The following UBASH3B variants were observed in gnomAD, a reference collection of about 807,000 sequenced individuals.
The protein encoded by UBASH3B is ubiquitin associated and SH3 domain containing B.
Under a neutral mutation model 83.4 loss-of-function variants are expected in UBASH3B, and 37 were observed. The ratio of observed to expected loss-of-function variants is 0.44; its 90% CI spans 0.34 to 0.58. UBASH3B has a LOEUF of 0.58. Among genes scored for constraint, UBASH3B ranks in the 20% least tolerant of loss-of-function variants. The probability of loss-of-function intolerance (pLI) is 0.01; values close to 1 mark genes in which losing one functional copy is unlikely to be tolerated. For missense variants in UBASH3B, 657 were observed against 827.2 expected (o/e 0.79, Z 2.52); for synonymous variants, 304 against 318.3 (o/e 0.96, Z 0.48).
intron 1 of UBASH3B, among the ~76,000 whole-genome samples, chr11:122,666,634 G>A (rs1432369094): frequency 6.6e-6 from 1 of 152,082 alleles, no homozygotes; most frequent in African/African-American, 2.4e-5. Context: ...TGCCAGGCTG[G>A]TCTCGATCTC....
At chr11:122,757,491 A>C (rs1280289951) in intron 1 of UBASH3B, among the ~76,000 whole-genome samples, 1 of 152,196 alleles carries the variant, frequency 6.6e-6, no homozygotes, top group East Asian at 1.9e-4. Flanking sequence ...GTAGAAGCAC[A>C]AATGAATGAA....
intron 1 of UBASH3B, among the ~76,000 whole-genome samples, chr11:122,659,687 A>G (rs1863410491): frequency 6.6e-6 from 1 of 152,230 alleles, no homozygotes; most frequent in Non-Finnish European, 1.5e-5. Context: ...AAGAGCAGTG[A>G]TGGTCTCCTG....
chr11:122,657,183 A>G (rs1863375819), intron 1 of UBASH3B, among the ~76,000 whole-genome samples: 1 of 152,238 alleles, frequency 6.6e-6, no homozygotes, highest in South Asian at 2.1e-4. Flanking sequence ...TCATCTTTGA[A>G]TTACAGCACC....
intron 5 of UBASH3B, 117 bp downstream of exon 5, chr11:122,783,339 A>G (rs1860891261): frequency 7.2e-6 from 9 of 1,248,752 alleles, no homozygotes; most frequent in Non-Finnish European, 8.8e-6. Flanking sequence ...AGCACCTAAC[A>G]GAGAGTCCGT....
At chr11:122,719,527 G>A (rs905504339) in intron 1 of UBASH3B, among the ~76,000 whole-genome samples, 4 of 152,156 alleles carry the variant, frequency 2.6e-5, no homozygotes, top group Admixed American at 6.5e-5. Flanking sequence ...CACATCATGA[G>A]TTCATCAGAA....
At chr11:122,696,785 C>T (rs906397049) in intron 1 of UBASH3B, among the ~76,000 whole-genome samples, 3 of 152,200 alleles carry the variant, frequency 2.0e-5, no homozygotes, top group African/African-American at 4.8e-5. Flanking sequence ...ACAGAATACA[C>T]GGAGAGCACC....
chr11:122,759,018 G>T lies in UBASH3B; in HGVS notation c.162-17201G>T, dbSNP rs1175329011. Among the ~76,000 whole-genome samples, 1 of 152,118 alleles carries T rather than the reference G, an allele frequency of 6.6e-6. No homozygotes were observed. Among genetic ancestry groups the T allele is most frequent in the Non-Finnish European group, 1.5e-5 (1 of 68,022 alleles). ...ACACACATTTTCCCAGTTTCTGTAG[G>T]TCAGGAGCCCAGGCATGGCTTGACT... On this transcript the variant is annotated intron_variant, in intron 1 of 13. Transcript: ENST00000284273. This position sits in a 1 kb window ranked among gnomAD's most constrained non-coding sequence, Gnocchi z 4.1.
chr11:122,662,333 C>T (rs1349703135), intron 1 of UBASH3B, among the ~76,000 whole-genome samples: 3 of 152,152 alleles, frequency 2.0e-5, no homozygotes, highest in Non-Finnish European at 2.9e-5. Flanking sequence ...AGACACAGTA[C>T]GTTCACTGCC....
chr11:122,794,370 T>C (rs1861115025), intron 6 of UBASH3B, among the ~76,000 whole-genome samples: 1 of 152,070 alleles, frequency 6.6e-6, no homozygotes, highest in African/African-American at 2.4e-5. Context: ...CACGCCCAGC[T>C]GATTTTTTGT....
At chr11:122,794,310 A>T (rs1184171603) in intron 6 of UBASH3B, among the ~76,000 whole-genome samples, 1 of 152,032 alleles carries the variant, frequency 6.6e-6, no homozygotes, top group Non-Finnish European at 1.5e-5. Flanking sequence ...GGTTCAAGAG[A>T]TTCTCATACC....
chr11:122,783,241 T>G lies in UBASH3B; in HGVS notation c.771+19T>G, dbSNP rs1860889184. 1 of 1,610,100 alleles carries G rather than the reference T, an allele frequency of 6.2e-7. No homozygotes were observed. The highest frequency in any genetic ancestry group is 2.2e-5 in the East Asian group (1 of 44,836). On this transcript the variant is annotated intron_variant, in intron 5 of 13. Coordinates refer to ENST00000284273, the MANE Select transcript of UBASH3B (RefSeq NM_032873.5). ...CCATGAGGTAATGTCTCACTGTGGT[T>G]CCAGAAGCTACCAGGTGCAGGGATG...
At chr11:122,687,995 C>T (rs1863829607) in intron 1 of UBASH3B, among the ~76,000 whole-genome samples, 1 of 152,160 alleles carries the variant, frequency 6.6e-6, no homozygotes, top group African/African-American at 2.4e-5. Context: ...CTCTGCCTGA[C>T]TTCTTTAGAA....
At chr11:122,677,647 C>T (rs1390667254) in intron 1 of UBASH3B, among the ~76,000 whole-genome samples, 7 of 152,162 alleles carry the variant, frequency 4.6e-5, no homozygotes. Context: ...ATTCATTCAT[C>T]TCTTTAATAA....
chr11:122,789,883 G>A (rs887043599), intron 6 of UBASH3B, among the ~76,000 whole-genome samples: 37 of 152,214 alleles, frequency 2.4e-4, no homozygotes, highest in Admixed American at 5.2e-4. Flanking sequence ...CCCTCTGCCA[G>A]TCTTCTTTAG....
In UBASH3B at chr11:122,794,814, A is replaced by G. The variant is rs147836332; in HGVS notation, c.1093A>G (p.Ile365Val). The G allele has an allele frequency of 1.1e-4, 170 of 1,613,714 alleles. No individual in the cohort carries two copies. In the African/African-American group the frequency reaches 1.1e-3, roughly 10 times the overall value. ...GCTCGGGGAGACGACTCCTCTTACT[A>G]TCATCTGCCAGCCCATGCAGGTAAG... is the stretch of plus-strand genomic sequence containing the variant. ...QGLGETTPLT[I>V]ICQPMQPLRV... Residue 365 changes from isoleucine (I) to valine (V), a missense_variant, in exon 7 of 14, where the codon ATC becomes GTC. Ile to Val is a conservative substitution (Grantham distance 29). Transcript: ENST00000284273.
rs1387970723 is a variant in UBASH3B at position 122,759,857 on chromosome 11, T to C, written c.162-16362T>C. Among the ~76,000 whole-genome samples the C allele has an allele frequency of 6.6e-6, 1 of 152,226 alleles. No individual in the cohort carries two copies. Among genetic ancestry groups the C allele is most frequent in the Non-Finnish European group, 1.5e-5 (1 of 68,030 alleles). ...GCTCAGGGGTTGGAGACACCTGACTTAGATGTGTCTTATGTGTGTCATAAT... is the reference window on the plus strand; with the variant it reads ...GCTCAGGGGTTGGAGACACCTGACTCAGATGTGTCTTATGTGTGTCATAAT... On this transcript the variant is annotated intron_variant, in intron 1 of 13. Coordinates refer to ENST00000284273, the MANE Select transcript of UBASH3B (RefSeq NM_032873.5). This position sits in a 1 kb window ranked among gnomAD's most constrained non-coding sequence, Gnocchi z 4.1.
intron 1 of UBASH3B, among the ~76,000 whole-genome samples, chr11:122,696,156 G>T (rs780540164): frequency 1.2e-4 from 18 of 151,516 alleles, no homozygotes; most frequent in Admixed American, 2.6e-4. Flanking sequence ...CACCATGTTG[G>T]CCAGACTGGT....
intron 5 of UBASH3B, among the ~76,000 whole-genome samples, chr11:122,784,350 C>T (rs190678046): frequency 8.3e-4 from 126 of 152,206 alleles, no homozygotes; most frequent in African/African-American, 2.8e-3. Flanking sequence ...TAAAGAAGGG[C>T]AACCTGTCTG....
intron 1 of UBASH3B, among the ~76,000 whole-genome samples, chr11:122,669,962 A>G (rs2135898607): frequency 6.6e-6 from 1 of 152,192 alleles, no homozygotes; most frequent in East Asian, 1.9e-4. Flanking sequence ...GATGAACAGC[A>G]GAAGGAAGGA....
Sources: allele counts gnomAD v4.1 joint callset (sites outside exome capture counted in the v4.1 genomes callset), GRCh38; gene constraint gnomAD v4.1.1; non-coding constraint Gnocchi (gnomAD v3.1); transcripts MANE v1.5; gene names NCBI Gene and HGNC (gene_info 2026-07-23, HGNC 2026-07-21).